Variants in LRRC9 observed in about 807,000 individuals in gnomAD.
LRRC9 encodes the protein leucine rich repeat containing 9.
LRRC9 carries 122 observed loss-of-function variants against 63.2 expected under a neutral mutation model. The ratio of observed to expected loss-of-function variants is 1.93; its 90% CI spans 1.67 to 2.24. The LOEUF (loss-of-function observed/expected upper bound fraction) is 2.24. Among genes scored for constraint, LRRC9 ranks in the 30% most tolerant of loss-of-function variants. LRRC9 has a pLI of 0.00. For missense variants in LRRC9, 1,071 were observed against 627.7 expected (o/e 1.71, Z -7.55); for synonymous variants, 366 against 213.1 (o/e 1.72, Z -6.25).
intron 26 of LRRC9, among the ~76,000 whole-genome samples, chr14:60,022,435 A>C (rs1370387470): frequency 6.6e-6 from 1 of 151,800 alleles, no homozygotes; most frequent in Non-Finnish European, 1.5e-5. Flanking sequence ...TCATCTGAAA[A>C]TAAAGACAGT....
chr14:59,988,530 C>T (rs1324723116), intron 17 of LRRC9, among the ~76,000 whole-genome samples: 3 of 152,106 alleles, frequency 2.0e-5, no homozygotes, highest in South Asian at 2.1e-4. Context: ...TTAATAATTA[C>T]TCATTGTTTT....
chr14:59,961,038 G>T, exon 10 of LRRC9: 1 of 672,818 alleles, frequency 1.5e-6, no homozygotes, highest in Non-Finnish European at 2.7e-6. Flanking sequence ...CACTCGATCT[G>T]ATGACTGGTA....
intron 30 of LRRC9, among the ~76,000 whole-genome samples, chr14:60,055,993 A>G (rs1894256154): frequency 1.3e-5 from 2 of 151,904 alleles, no homozygotes; most frequent in Non-Finnish European, 2.9e-5. Context: ...CAGCTTCTAG[A>G]GGCCATCCGC....
At position 59,928,000 on chromosome 14, in the gene LRRC9, A is replaced by G; in HGVS notation, c.48+9A>G. On this transcript the variant is annotated intron_variant, in intron 2 of 31. Coordinates refer to ENST00000445360, the Ensembl canonical transcript of LRRC9. This position sits in a 1 kb window ranked among gnomAD's most constrained non-coding sequence, Gnocchi z 4.4. The stretch of plus-strand genomic sequence containing the variant: ...AAATAATTAAAGAACTGGTGAGTCA[A>G]AGTCAAATTTCTTTTAAATAACATT... 1.5e-6 allele frequency: 1 copy of G among 679,300 alleles called. No individual in the cohort carries two copies. Among genetic ancestry groups the G allele is most frequent in the South Asian group, 1.6e-5 (1 of 61,862 alleles). 42.1% of individuals were successfully genotyped at this position (679,300 alleles called of 1,614,324 possible).
rs952716728 is a variant in LRRC9 at position 59,958,513 on chromosome 14, T to A, written c.883-1305T>A. Among the ~76,000 whole-genome samples the A allele has an allele frequency of 1.3e-5, 2 of 152,226 alleles. No individual in the cohort carries two copies. Among genetic ancestry groups the A allele is most frequent in the Non-Finnish European group, 2.9e-5 (2 of 68,030 alleles). ...TCGACCCAGGTCGACTTCAGACTGC[T>A]GTGCTGGCAGCGAGAATTTCAAGCT... is the stretch of plus-strand genomic sequence containing the variant. On this transcript the variant is annotated intron_variant, in intron 8 of 31. Transcript: ENST00000445360. The surrounding 1 kb of genome is among the most constrained non-coding windows in gnomAD (Gnocchi z 4.0).
chr14:60,023,819 C>G (rs533366772), intron 27 of LRRC9, among the ~76,000 whole-genome samples: 1 of 152,162 alleles, frequency 6.6e-6, no homozygotes, highest in South Asian at 2.1e-4. Context: ...CTGACAGGCC[C>G]CAGTGTGTGA....
At position 59,919,833 on chromosome 14, in the gene LRRC9, C is replaced by G. The variant is rs1389121077; in HGVS notation, c.-84C>G. 1 of 152,364 alleles carries G rather than the reference C, an allele frequency of 6.6e-6. No homozygotes were observed. Among genetic ancestry groups the G allele is most frequent in the Non-Finnish European group, 1.5e-5 (1 of 68,132 alleles). The allele number at this position is 152,364 out of a possible 1,614,324, so 9.4% of individuals were successfully genotyped here. On this transcript the variant is annotated 5_prime_UTR_variant, in exon 1 of 32. Transcript: ENST00000445360. This position sits in a 1 kb window ranked among gnomAD's most constrained non-coding sequence, Gnocchi z 4.5. Reference sequence around the variant, plus strand: ...GAGGAGGTAACGAATAAGTCCCCACCACCTTGCCCATAACGCGTTGCTTTC... The same window carrying G: ...GAGGAGGTAACGAATAAGTCCCCACGACCTTGCCCATAACGCGTTGCTTTC...
intron 29 of LRRC9, among the ~76,000 whole-genome samples, chr14:60,047,227 C>T (rs1245275308): frequency 6.6e-6 from 1 of 152,164 alleles, no homozygotes; most frequent in Non-Finnish European, 1.5e-5. Context: ...GAATTCCTCT[C>T]TTCCTATCTG....
intron 7 of LRRC9, among the ~76,000 whole-genome samples, chr14:59,939,781 T>A (rs1371557674): frequency 1.3e-5 from 2 of 152,012 alleles, no homozygotes; most frequent in Non-Finnish European, 2.9e-5. Context: ...AGAATCATGA[T>A]TCTAGAATCA....
chr14:60,005,855 G>A (rs1475946313), intron 21 of LRRC9, among the ~76,000 whole-genome samples: 1 of 152,096 alleles, frequency 6.6e-6, no homozygotes, highest in African/African-American at 2.4e-5. Context: ...TACTTATAAA[G>A]TGCTTGCAGT....
rs2140436831 is a variant in LRRC9, at chr14:60,053,001, A to C, written c.3991-64A>C. ...TTGCCTATGCTAAATTTCCTTCTCT[A>C]TACAGGTTAATCTTTGAAATAAAAG... On this transcript the variant is annotated intron_variant, in intron 29 of 31. Coordinates refer to ENST00000445360, the Ensembl canonical transcript of LRRC9. The surrounding 1 kb of genome is among the most constrained non-coding windows in gnomAD (Gnocchi z 4.8). 1 of 654,734 alleles carries C rather than the reference A, an allele frequency of 1.5e-6. No individual in the cohort carries two copies. Among genetic ancestry groups the C allele is most frequent in the Non-Finnish European group, 2.8e-6 (1 of 360,510 alleles). The allele number at this position is 654,734 out of a possible 1,614,324, so 40.6% of individuals were successfully genotyped here. A position where few individuals can be genotyped will look rare whatever the true frequency, so the allele number is the denominator to read the frequency against.
exon 3 of LRRC9, chr14:59,928,316 G>C: frequency 1.5e-6 from 1 of 666,940 alleles, no homozygotes; most frequent in Non-Finnish European, 2.7e-6. Flanking sequence ...AGAAGGATCA[G>C]ATACATCAAA....
At chr14:59,982,005 T>G (rs1886980805) in exon 16 of LRRC9, 1 of 702,482 alleles carries the variant, frequency 1.4e-6, no homozygotes, top group Non-Finnish European at 2.6e-6. Context: ...CTGATTAGTT[T>G]GGATGATAAA....
chr14:59,981,415 T>C (rs1331817869), intron 15 of LRRC9, among the ~76,000 whole-genome samples: 1 of 152,198 alleles, frequency 6.6e-6, no homozygotes, highest in Non-Finnish European at 1.5e-5. Flanking sequence ...CCGTAATTAC[T>C]GAATTACCTG....
chr14:60,054,906 C>T (rs1894160304), intron 30 of LRRC9, among the ~76,000 whole-genome samples: 1 of 152,242 alleles, frequency 6.6e-6, no homozygotes, highest in South Asian at 2.1e-4. Flanking sequence ...GGACTACAGG[C>T]ATGTGCCATC....
chr14:59,931,056 G>A (rs1187390698), exon 4 of LRRC9: 1 of 368,734 alleles, frequency 2.7e-6, no homozygotes, highest in Non-Finnish European at 4.9e-6. Context: ...TAAAAATATT[G>A]AGGTAAGATA....
intron 8 of LRRC9, among the ~76,000 whole-genome samples, chr14:59,949,696 T>G (rs1459861631): frequency 6.6e-6 from 1 of 151,602 alleles, no homozygotes; most frequent in Non-Finnish European, 1.5e-5. Context: ...TGGTATGTTG[T>G]GTCTTTGTTC....
chr14:60,036,728 C>CT (rs34137343), intron 29 of LRRC9, among the ~76,000 whole-genome samples: 31 of 148,156 alleles, frequency 2.1e-4, no homozygotes, highest in African/African-American at 6.2e-4. Flanking sequence ...CTCTTTGCCT[C>CT]TTTTTTTTTT....
At position 59,936,056 on chromosome 14, in the gene LRRC9, GTGGAACA is replaced by G. The variant is rs1890112117; in HGVS notation, c.544-2331_544-2325del. Among the ~76,000 whole-genome samples, 1 of 152,110 alleles carries G rather than the reference GTGGAACA, an allele frequency of 6.6e-6. No homozygotes were observed. ...CTCATACTAGAGGCAGCATAATACGGTGGAACATGAAGTTTTGGTGAAATAACAATGT... is the reference window on the plus strand; with the variant it reads ...CTCATACTAGAGGCAGCATAATACGGTGAAGTTTTGGTGAAATAACAATGT... On this transcript the variant is annotated intron_variant, in intron 6 of 31. Transcript: ENST00000445360. The surrounding 1 kb of genome is among the most constrained non-coding windows in gnomAD (Gnocchi z 4.2).
Sources: allele counts gnomAD v4.1 joint callset (sites outside exome capture counted in the v4.1 genomes callset), GRCh38; gene constraint gnomAD v4.1.1; non-coding constraint Gnocchi (gnomAD v3.1); transcripts MANE v1.5; gene names NCBI Gene and HGNC (gene_info 2026-07-23, HGNC 2026-07-21).